PRKDC: variants seen among roughly 807,000 people sequenced by gnomAD.
The protein encoded by PRKDC is protein kinase, DNA-activated, catalytic subunit.
A neutral mutation model predicts 486.9 loss-of-function variants in PRKDC; 82 were observed. The ratio of observed to expected loss-of-function variants is 0.17; its 90% CI spans 0.14 to 0.20. PRKDC has a LOEUF of 0.20. PRKDC is among the 10% of genes least tolerant of loss of function. The probability of loss-of-function intolerance (pLI) is 1.00; values close to 1 mark genes in which losing one functional copy is unlikely to be tolerated. For synonymous variants in PRKDC, 1,895 were observed against 1,837.0 expected, an observed-to-expected ratio of 1.03 and a Z score of -0.81; for missense variants, 4,504 against 5,038.2, an observed-to-expected ratio of 0.89 and a Z score of 3.21.
intron 22 of PRKDC, 34 bp from the exon 23 acceptor site, chr8:47,915,452 C>T (rs1256678516): frequency 8.1e-7 from 1 of 1,234,848 alleles, no homozygotes; most frequent in Non-Finnish European, 1.1e-6. Flanking sequence ...TATGTGATTA[C>T]AAATGGGTTA....
chr8:47,831,763 C>A, intron 60 of PRKDC, 51 bp downstream of exon 60: 1 of 1,574,388 alleles, frequency 6.4e-7, no homozygotes, highest in South Asian at 1.1e-5. Flanking sequence ...TCGTCTGTAT[C>A]CTGTGACAGA....
At chr8:47,807,391 C>G in intron 68 of PRKDC, 65 bp from the exon 69 acceptor site, 17 of 1,319,294 alleles carry the variant, frequency 1.3e-5, no homozygotes, top group Non-Finnish European at 1.7e-5. Flanking sequence ...ATAGCAATTA[C>G]AGGCAGAAAT....
In PRKDC at chr8:47,897,270, C is replaced by A. The variant is rs766145061; in HGVS notation, c.3489G>T (p.Leu1163Phe). Residue 1163 changes from leucine to phenylalanine, a missense_variant, in exon 30 of 86, where the codon TTG (leucine) becomes TTT (phenylalanine). This residue lies in a region of PRKDC where 1,969 missense variants were observed against 2,068.9 expected (regional missense o/e 0.95). Coordinates refer to ENST00000314191, the MANE Select transcript of PRKDC (RefSeq NM_006904.7). ...GCCACTTGACCAGATCCAATAAACA[C>A]AATGATGCGGAAGGTGGAAATCCTC... is the stretch of plus-strand genomic sequence containing the variant. ...LPRGFPPSAS[L>F]CLLDLVKWLL... 1 of 1,599,242 alleles carries A rather than the reference C, an allele frequency of 6.3e-7. No individual in the cohort carries two copies. Among genetic ancestry groups the A allele is most frequent in the Admixed American group, 1.7e-5 (1 of 59,844 alleles).
rs1269747732 is a variant in PRKDC, at chr8:47,900,480, G to C, written c.3270-13C>G. Reference sequence around the variant, plus strand: ...AGACTCTTCTTCCCTGTAAAATAAAGAATAGGAAACCTCACCTAAGAAAAC... The same window carrying C: ...AGACTCTTCTTCCCTGTAAAATAAACAATAGGAAACCTCACCTAAGAAAAC... On this transcript the variant is annotated splice_polypyrimidine_tract_variant and intron_variant, in intron 27 of 85. Coordinates refer to ENST00000314191, the MANE Select transcript of PRKDC (RefSeq NM_006904.7). 3 of 1,585,326 alleles carry C rather than the reference G, an allele frequency of 1.9e-6. No homozygotes were observed. The highest frequency in any genetic ancestry group is 2.3e-5 in the South Asian group (2 of 86,990).
chr8:47,842,153 C>G (rs1409991482), intron 54 of PRKDC, among the ~76,000 whole-genome samples: 1 of 152,262 alleles, frequency 6.6e-6, no homozygotes, highest in Admixed American at 6.5e-5. Flanking sequence ...ATGGGGAGTG[C>G]AGCCCACCAG....
In PRKDC at chr8:47,859,743, C is replaced by T; in HGVS notation, c.6075G>A (p.Met2025Ile). The stretch of plus-strand genomic sequence containing the variant: ...TGTCTGCCAAATATGACAGGGAAGA[C>T]ATATAGGAAGGACCATCTGAAATAT... ...ANGDSDGPSY[M>I]SSLSYLADST... The change falls in exon 46 of 86, where the codon ATG becomes ATA. Residue 2025 changes from methionine to isoleucine, a missense_variant. Met to Ile is a conservative substitution (Grantham distance 10). Transcript: ENST00000314191. The T allele has an allele frequency of 6.2e-7, 1 of 1,612,032 alleles. No individual in the cohort carries two copies. Among genetic ancestry groups the T allele is most frequent in the Non-Finnish European group, 8.5e-7 (1 of 1,178,366 alleles).
At chr8:47,853,551 C>T (rs2088464672) in intron 51 of PRKDC, among the ~76,000 whole-genome samples, 1 of 152,164 alleles carries the variant, frequency 6.6e-6, no homozygotes, top group Admixed American at 6.5e-5. Context: ...CTTGTCTTGA[C>T]ATGTCACACC....
At chr8:47,837,121 G>T in intron 57 of PRKDC, 91 bp downstream of exon 57, 1 of 1,308,872 alleles carries the variant, frequency 7.6e-7, no homozygotes, top group Non-Finnish European at 1.1e-6. Context: ...TGTATTCTGA[G>T]AAGGCAAAGA....
At chr8:47,946,170 A>G (rs2090528395) in intron 7 of PRKDC, among the ~76,000 whole-genome samples, 1 of 152,072 alleles carries the variant, frequency 6.6e-6, no homozygotes, top group Admixed American at 6.5e-5. Flanking sequence ...TCTCTACTAA[A>G]AATAGGAAAA....
At chr8:47,949,557 C>T (rs969755833) in intron 7 of PRKDC, among the ~76,000 whole-genome samples, 2 of 152,132 alleles carry the variant, frequency 1.3e-5, no homozygotes, top group Admixed American at 1.3e-4. Context: ...AACATAAAGA[C>T]AAATAAGCAA....
chr8:47,948,475 T>C (rs1233400270), intron 7 of PRKDC, among the ~76,000 whole-genome samples: 1 of 150,756 alleles, frequency 6.6e-6, no homozygotes, highest in Non-Finnish European at 1.5e-5. Context: ...TTTTTTTTTT[T>C]TGAGACAGAG....
intron 39 of PRKDC, among the ~76,000 whole-genome samples, chr8:47,878,104 T>G (rs1027258989): frequency 7.7e-6 from 1 of 129,256 alleles, no homozygotes; most frequent in Non-Finnish European, 1.7e-5. Context: ...TTTTTTTAGG[T>G]TTTTTTTTTT....
intron 9 of PRKDC, 37 bp from the exon 10 acceptor site, chr8:47,943,403 G>T: frequency 6.4e-7 from 1 of 1,556,406 alleles, no homozygotes; most frequent in South Asian, 1.2e-5. Context: ...AAAATCAGAC[G>T]ACATAACACA....
At chr8:47,823,300 C>G (rs2087648373) in intron 64 of PRKDC, among the ~76,000 whole-genome samples, 1 of 152,018 alleles carries the variant, frequency 6.6e-6, no homozygotes, top group African/African-American at 2.4e-5. Context: ...GCCTGGGTGA[C>G]AGAATGAGAC....
At chr8:47,916,776 T>G (rs1025620825) in intron 22 of PRKDC, among the ~76,000 whole-genome samples, 1 of 152,206 alleles carries the variant, frequency 6.6e-6, no homozygotes, top group Non-Finnish European at 1.5e-5. Context: ...GTGCACCTCC[T>G]GCCTCACACA....
intron 66 of PRKDC, among the ~76,000 whole-genome samples, chr8:47,820,356 G>A (rs557026402): frequency 4.6e-5 from 7 of 151,716 alleles, no homozygotes; most frequent in Non-Finnish European, 1.0e-4. Flanking sequence ...CTGTCTAGGC[G>A]ACAAAAGAGA....
intron 69 of PRKDC, among the ~76,000 whole-genome samples, chr8:47,806,019 TCCCGCCCTCTGCAAAC>T (rs1302996927): frequency 1.3e-5 from 2 of 152,154 alleles, no homozygotes; most frequent in Non-Finnish European, 2.9e-5. Context: ...GGATGCAGTC[TCCCGCCCTCTGCAAAC>T]CCAGTGCCAT....
At chr8:47,817,588 T>C (rs1168885398) in intron 67 of PRKDC, 27 bp from the exon 68 acceptor site, 2 of 1,337,010 alleles carry the variant, frequency 1.5e-6, no homozygotes, top group East Asian at 2.4e-5. Flanking sequence ...AGGGTGACTA[T>C]ACACACAGCT....
chr8:47,824,914 T>C (rs1473885539), intron 63 of PRKDC, among the ~76,000 whole-genome samples: 1 of 152,208 alleles, frequency 6.6e-6, no homozygotes, highest in Non-Finnish European at 1.5e-5. Context: ...TCAGTTCCCT[T>C]CTGGGTACTA....
Sources: allele counts gnomAD v4.1 joint callset (sites outside exome capture counted in the v4.1 genomes callset), GRCh38; gene constraint gnomAD v4.1.1; regional missense constraint gnomAD v4.1.1; transcripts MANE v1.5; gene names NCBI Gene and HGNC (gene_info 2026-07-23, HGNC 2026-07-21).